Variants in DCC observed in about 807,000 individuals in gnomAD.
The protein encoded by DCC is netrin receptor DCC.
A neutral mutation model predicts 172.5 loss-of-function variants in DCC; 58 were observed. The observed-to-expected ratio is 0.34, with a 90% CI of 0.27 to 0.42. The LOEUF (loss-of-function observed/expected upper bound fraction) is 0.42. Among genes scored for constraint, DCC ranks in the 10% least tolerant of loss-of-function variants. The pLI is 1.00. For missense variants in DCC, 1,740 were observed against 1,791.0 expected, an observed-to-expected ratio of 0.97 and a Z score of 0.51; for synonymous variants, 709 against 644.5, an observed-to-expected ratio of 1.10 and a Z score of -1.52.
intron 5 of DCC, among the ~76,000 whole-genome samples, chr18:53,018,178 G>T (rs949651937): frequency 5.9e-5 from 9 of 151,998 alleles, no homozygotes; most frequent in South Asian, 2.1e-4. Flanking sequence ...ATAATAATAA[G>T]AAGTTACAAA....
At chr18:53,145,207 C>G (rs563661651) in intron 7 of DCC, among the ~76,000 whole-genome samples, 1 of 149,844 alleles carries the variant, frequency 6.7e-6, no homozygotes, top group African/African-American at 2.4e-5. Context: ...CTCCGCCTCC[C>G]GGTTCTCGCC....
intron 13 of DCC, among the ~76,000 whole-genome samples, chr18:53,312,900 AGGAGGGAAGGGAAAGGGAGGGGAGG>A (rs745820343): frequency 0.34 from 29,735 of 86,762 alleles, 5,876 homozygotes; most frequent in Non-Finnish European, 0.45. Context: ...GGGAGGGGAG[AGGAGGGAAGGGAAAGGGAGGGGAGG>A]GGAGGGAAGG....
intron 5 of DCC, among the ~76,000 whole-genome samples, chr18:52,947,838 AAAT>A (rs1227223598): frequency 3.3e-5 from 5 of 152,192 alleles, no homozygotes; most frequent in Admixed American, 3.3e-4. Context: ...CAAGAATCTT[AAAT>A]GATTCTTACT....
chr18:53,410,295 A>G (rs975455522), intron 19 of DCC, among the ~76,000 whole-genome samples, 157 bp from the exon 20 acceptor site: 2 of 152,172 alleles, frequency 1.3e-5, no homozygotes, highest in African/African-American at 2.4e-5. Flanking sequence ...TAATCCTTGC[A>G]TTATGAAAAA....
Position 53,508,607 on chromosome 18 carries a change from C to G in DCC, c.4111+9097C>G, listed in dbSNP as rs184219427. Reference sequence around the variant, plus strand: ...AGTTATTTGTTTATTTTCTTTTTGGCTACGCTCTGAGTGGTACCTCATTTA... The same window carrying G: ...AGTTATTTGTTTATTTTCTTTTTGGGTACGCTCTGAGTGGTACCTCATTTA... On this transcript the variant is annotated intron_variant, in intron 27 of 28. Transcript: ENST00000442544. Among the ~76,000 whole-genome samples the G allele has an allele frequency of 3.1e-3, 471 of 152,228 alleles. 10 individuals are homozygous for G. The highest frequency in any genetic ancestry group is 0.029 in the Admixed American group (439 of 15,292).
chr18:53,078,612 A>AT (rs1037844146), intron 7 of DCC, among the ~76,000 whole-genome samples: 3 of 147,018 alleles, frequency 2.0e-5, no homozygotes, highest in Admixed American at 6.6e-5. Context: ...GAGAAATAAT[A>AT]TTTTTTTATT....
At chr18:53,148,933 G>A (rs967571525) in intron 7 of DCC, among the ~76,000 whole-genome samples, 13 of 140,590 alleles carry the variant, frequency 9.2e-5, no homozygotes, top group Admixed American at 1.6e-4. Flanking sequence ...GCATGATCTC[G>A]GCTCACTGCA....
rs1363373410 is a variant in DCC, at chr18:53,321,952, C to T, written c.2054-95C>T. On this transcript the variant is annotated intron_variant, in intron 13 of 28. Transcript: ENST00000442544. The stretch of plus-strand genomic sequence containing the variant: ...TCACAAACAATGTAAAGCATGTCCA[C>T]TATTGTTACAATTTTGCTGAAGCTT... 3 of 780,402 alleles carry T rather than the reference C, an allele frequency of 3.8e-6. No homozygotes were observed. In the Admixed American group the frequency reaches 5.1e-5, roughly 13 times the overall value. The allele number at this position is 780,402 out of a possible 1,614,324, so 48.3% of individuals were successfully genotyped here.
chr18:52,570,057 G>A (rs2033256490), intron 1 of DCC, among the ~76,000 whole-genome samples: 1 of 152,096 alleles, frequency 6.6e-6, no homozygotes, highest in Non-Finnish European at 1.5e-5. Flanking sequence ...TCTTATTTAA[G>A]GTATCTAGCT....
intron 7 of DCC, among the ~76,000 whole-genome samples, chr18:53,121,064 T>C (rs1368787826): frequency 6.6e-6 from 1 of 151,914 alleles, no homozygotes; most frequent in Non-Finnish European, 1.5e-5. Flanking sequence ...ATTAAATATG[T>C]AGATTGCTGT....
intron 1 of DCC, among the ~76,000 whole-genome samples, chr18:52,723,081 G>A (rs1272540488): frequency 2.0e-5 from 3 of 152,034 alleles, no homozygotes; most frequent in Non-Finnish European, 4.4e-5. Flanking sequence ...ATGAATTCTG[G>A]TAGCTAATCC....
intron 1 of DCC, among the ~76,000 whole-genome samples, chr18:52,614,571 G>C (rs1251715952): frequency 6.6e-6 from 1 of 152,108 alleles, no homozygotes; most frequent in Non-Finnish European, 1.5e-5. Flanking sequence ...CATGCACCTT[G>C]AGGATAATAC....
At chr18:52,593,532 A>AT (rs980671387) in intron 1 of DCC, among the ~76,000 whole-genome samples, 2 of 152,090 alleles carry the variant, frequency 1.3e-5, no homozygotes, top group Admixed American at 6.6e-5. Flanking sequence ...GCTTTCCTTT[A>AT]TTTTTTAAAA....
chr18:52,407,191 G>C (rs2144393057), intron 1 of DCC, among the ~76,000 whole-genome samples: 1 of 152,214 alleles, frequency 6.6e-6, no homozygotes, highest in East Asian at 1.9e-4. Flanking sequence ...CCCAGGAAGT[G>C]GGGTCAGCCA....
At position 53,159,800 on chromosome 18, in the gene DCC, TAA is replaced by T. The variant is rs2054805152; in HGVS notation, c.1418+2289_1418+2290del. Among the ~76,000 whole-genome samples, 11 of 152,300 alleles carry T rather than the reference TAA, an allele frequency of 7.2e-5. No individual in the cohort carries two copies. In the South Asian group the frequency reaches 2.3e-3, roughly 32 times the overall value. ...AAATGTGTGATGCTTCTGTATTTAATAATGTATTAAATACGAATAATACTTTT... is the reference window on the plus strand; with the variant it reads ...AAATGTGTGATGCTTCTGTATTTAATTGTATTAAATACGAATAATACTTTT... On this transcript the variant is annotated intron_variant, in intron 8 of 28. Coordinates refer to ENST00000442544, the MANE Select transcript of DCC (RefSeq NM_005215.4).
chr18:53,532,130 A>G lies in DCC; in HGVS notation c.*1477A>G, dbSNP rs2046530880. On this transcript the variant is annotated 3_prime_UTR_variant, in exon 29 of 29. Transcript: ENST00000442544. ...CTTGAAAACCCAATGAGAGAGTTTC[A>G]GCTGAATTATTCCTTTCAGCTCTGC... is the stretch of plus-strand genomic sequence containing the variant. 6.6e-6 allele frequency: 1 copy of G among 152,180 alleles called. No homozygotes were observed. The highest frequency in any genetic ancestry group is 6.5e-5 in the Admixed American group (1 of 15,272). 9.4% of individuals were successfully genotyped at this position (152,180 alleles called of 1,614,324 possible). A position where few individuals can be genotyped will look rare whatever the true frequency, so the allele number is the denominator to read the frequency against.
intron 27 of DCC, among the ~76,000 whole-genome samples, chr18:53,519,115 G>T (rs2046371342): frequency 6.6e-6 from 1 of 152,088 alleles, no homozygotes; most frequent in Admixed American, 6.6e-5. Flanking sequence ...CAAATGTAAA[G>T]TTAAGTACAG....
intron 1 of DCC, among the ~76,000 whole-genome samples, chr18:52,465,914 T>C (rs1988771153): frequency 6.6e-6 from 1 of 152,216 alleles, no homozygotes; most frequent in Non-Finnish European, 1.5e-5. Flanking sequence ...CTTATCCAGA[T>C]ATAGGGAAAA....
At chr18:52,829,089 G>T (rs563767250) in intron 2 of DCC, among the ~76,000 whole-genome samples, 77 of 152,312 alleles carry the variant, frequency 5.1e-4, no homozygotes, top group African/African-American at 1.8e-3. Flanking sequence ...ATTTTAAACA[G>T]TATTTGGATA....
Sources: gnomAD v4.1 joint callset for allele counts (sites outside exome capture counted in the v4.1 genomes callset) on GRCh38, gnomAD v4.1.1 for gene constraint, MANE v1.5 for transcripts, NCBI Gene and HGNC (gene_info 2026-07-23, HGNC 2026-07-21) for gene names.